The following CLNK variants were observed in gnomAD, a reference collection of about 807,000 sequenced individuals.
CLNK encodes cytokine dependent hematopoietic cell linker.
CLNK carries 74 observed loss-of-function variants against 68.6 expected under a neutral mutation model. The observed-to-expected ratio is 1.08, with a 90% CI of 0.89 to 1.31. The LOEUF (loss-of-function observed/expected upper bound fraction) is 1.31. Ranked by LOEUF, CLNK falls within the 50% of genes most tolerant of loss-of-function variation. CLNK has a pLI of 0.00. For synonymous variants in CLNK, 198 were observed against 172.2 expected, an observed-to-expected ratio of 1.15 and a Z score of -1.17; for missense variants, 553 against 515.3, an observed-to-expected ratio of 1.07 and a Z score of -0.71.
At chr4:10,551,999 C>T (rs761440986) in intron 8 of CLNK, among the ~76,000 whole-genome samples, 1 of 152,012 alleles carries the variant, frequency 6.6e-6, no homozygotes, top group Non-Finnish European at 1.5e-5. Context: ...AGGTGCGCGT[C>T]AGAACGCTGG....
At chr4:10,615,746 C>A (rs947112134) in intron 2 of CLNK, among the ~76,000 whole-genome samples, 1 of 152,118 alleles carries the variant, frequency 6.6e-6, no homozygotes, top group Non-Finnish European at 1.5e-5. Flanking sequence ...GGTAAAATAA[C>A]CTTGATTTAC....
chr4:10,695,713 C>G, the CLNK span, among the ~76,000 whole-genome samples: 1 of 152,182 alleles, frequency 6.6e-6, no homozygotes, highest in Admixed American at 6.5e-5. Context: ...ACATGGTGCA[C>G]CAGGCTATTT....
In CLNK at chr4:10,523,993, A is replaced by G. The variant is rs114491263; in HGVS notation, c.731+1848T>C. On this transcript the variant is annotated intron_variant, in intron 14 of 18. Coordinates refer to ENST00000226951, the MANE Select transcript of CLNK (RefSeq NM_052964.4). ...TGAGATGTGATTGTGCCACTACAAG[A>G]CAGAATAAAACCCTGTCTCAAAGAA... 3,145 of 315,828 alleles carry G rather than the reference A, an allele frequency of 1.0e-2. 39 individuals are homozygous for G. The highest frequency in any genetic ancestry group is 0.039 in the Middle Eastern group (98 of 2,536). 19.6% of individuals were successfully genotyped at this position (315,828 alleles called of 1,614,324 possible).
chr4:10,544,441 G>A (rs1290514845), intron 8 of CLNK, among the ~76,000 whole-genome samples: 3 of 152,230 alleles, frequency 2.0e-5, no homozygotes, highest in African/African-American at 7.2e-5. Flanking sequence ...AGTGGCAGGA[G>A]TTAGGAGATA....
At chr4:10,667,838 C>T in intron 2 of CLNK, 21 bp downstream of exon 2, 1 of 1,127,306 alleles carries the variant, frequency 8.9e-7, no homozygotes, top group Non-Finnish European at 1.2e-6. Flanking sequence ...CTGGGGCTCA[C>T]AGTGATCCCA....
the CLNK span, among the ~76,000 whole-genome samples, chr4:10,698,263 G>C: frequency 6.6e-6 from 1 of 151,842 alleles, no homozygotes; most frequent in African/African-American, 2.4e-5. Flanking sequence ...GCAATTATAG[G>C]GTTTTATTAA....
chr4:10,633,693 A>C (rs989058963), intron 2 of CLNK, among the ~76,000 whole-genome samples: 1 of 152,216 alleles, frequency 6.6e-6, no homozygotes, highest in Non-Finnish European at 1.5e-5. Context: ...ATACCATTCC[A>C]AACAGTACAA....
intron 8 of CLNK, among the ~76,000 whole-genome samples, chr4:10,556,572 T>G (rs958268624): frequency 3.3e-5 from 5 of 152,198 alleles, no homozygotes; most frequent in African/African-American, 4.8e-5. Context: ...ATGGCAATTA[T>G]GAAGTTCATT....
intron 7 of CLNK, among the ~76,000 whole-genome samples, chr4:10,560,784 T>G (rs1448175631): frequency 6.6e-6 from 1 of 152,206 alleles, no homozygotes; most frequent in Non-Finnish European, 1.5e-5. Context: ...AACATAAATG[T>G]GCAGAACTAG....
At chr4:10,708,384 AT>A in the CLNK span, among the ~76,000 whole-genome samples, 71 of 150,364 alleles carry the variant, frequency 4.7e-4, no homozygotes, top group South Asian at 1.7e-3. Context: ...GGTGAACACT[AT>A]TTTTTTTTTC....
At chr4:10,616,601 C>T (rs1488406654) in intron 2 of CLNK, among the ~76,000 whole-genome samples, 1 of 151,888 alleles carries the variant, frequency 6.6e-6, no homozygotes, top group Admixed American at 6.6e-5. Context: ...CAGTTGCAAC[C>T]ATAGATTTGC....
At chr4:10,679,847 C>G (rs910413211) in intron 1 of CLNK, among the ~76,000 whole-genome samples, 19 of 152,008 alleles carry the variant, frequency 1.2e-4, no homozygotes, top group African/African-American at 4.3e-4. Context: ...GAATGGCGAT[C>G]ATTAAAAAGT....
At chr4:10,705,016 A>G in the CLNK span, among the ~76,000 whole-genome samples, 1 of 152,192 alleles carries the variant, frequency 6.6e-6, no homozygotes, top group Non-Finnish European at 1.5e-5. Context: ...GCATGGGTGC[A>G]AGGGAAGTAA....
rs913048102 is a variant in CLNK, at chr4:10,598,894, G to C, written c.12-845C>G. The stretch of plus-strand genomic sequence containing the variant: ...TCCCAGTTCCACTTGGGGCAAATTT[G>C]CCTCTTTCTGGTCCTTGGACTTTCT... On this transcript the variant is annotated intron_variant, in intron 2 of 18. Transcript: ENST00000226951. 3.3e-5 allele frequency among the ~76,000 whole-genome samples: 5 copies of C among 152,126 alleles called. No individual in the cohort carries two copies. In the South Asian group the frequency reaches 1.0e-3, roughly 32 times the overall value.
intron 3 of CLNK, among the ~76,000 whole-genome samples, chr4:10,596,819 C>CT (rs1721404536): frequency 6.6e-6 from 1 of 151,992 alleles, no homozygotes; most frequent in East Asian, 1.9e-4. Flanking sequence ...CTCTGTCTGT[C>CT]TTTTTTCCTC....
intron 10 of CLNK, among the ~76,000 whole-genome samples, 180 bp from the exon 11 acceptor site, chr4:10,540,784 A>G (rs1718981724): frequency 6.6e-6 from 1 of 152,180 alleles, no homozygotes; most frequent in African/African-American, 2.4e-5. Context: ...AGGGCGTGAC[A>G]TAATTTTCTA....
chr4:10,536,174 A>T (rs1384708455), intron 11 of CLNK, among the ~76,000 whole-genome samples: 1 of 152,214 alleles, frequency 6.6e-6, no homozygotes, highest in Non-Finnish European at 1.5e-5. Flanking sequence ...CTAACTGCCT[A>T]CCATTGATAC....
chr4:10,645,952 T>C (rs187892531), intron 2 of CLNK, among the ~76,000 whole-genome samples: 1 of 152,298 alleles, frequency 6.6e-6, no homozygotes, highest in African/African-American at 2.4e-5. Flanking sequence ...ATGCCCATTA[T>C]TTATTAAGGA....
chr4:10,622,365 T>G (rs1417839024), intron 2 of CLNK, among the ~76,000 whole-genome samples: 1 of 152,208 alleles, frequency 6.6e-6, no homozygotes, highest in Non-Finnish European at 1.5e-5. Flanking sequence ...TGTCACTTTG[T>G]TTATTCTTGG....
Sources: allele counts gnomAD v4.1 joint callset (sites outside exome capture counted in the v4.1 genomes callset), GRCh38; gene constraint gnomAD v4.1.1; transcripts MANE v1.5; gene names NCBI Gene and HGNC (gene_info 2026-07-23, HGNC 2026-07-21).